Variants in MYO3A observed in about 807,000 individuals in gnomAD.
MYO3A encodes myosin IIIA.
Under a neutral mutation model 192.7 loss-of-function variants are expected in MYO3A, and 180 were observed. The ratio of observed to expected loss-of-function variants is 0.93; its 90% CI spans 0.83 to 1.06. The LOEUF is 1.06. Among genes scored for constraint, MYO3A ranks in the 50% least tolerant of loss-of-function variants. MYO3A has a pLI of 0.00. For synonymous variants in MYO3A, 628 were observed against 645.3 expected, an observed-to-expected ratio of 0.97 and a Z score of 0.41; for missense variants, 1,896 against 1,905.0, an observed-to-expected ratio of 1.00 and a Z score of 0.09.
chr10:26,114,921 AC>A (rs1251844368), intron 17 of MYO3A, among the ~76,000 whole-genome samples: 2 of 152,252 alleles, frequency 1.3e-5, no homozygotes, highest in East Asian at 3.9e-4. Flanking sequence ...AAAAATGAAC[AC>A]CCCAGAATGG....
intron 8 of MYO3A, 122 bp downstream of exon 8, chr10:26,021,770 T>A: frequency 7.6e-7 from 1 of 1,311,682 alleles, no homozygotes; most frequent in Non-Finnish European, 1.1e-6. Flanking sequence ...GAGCAGAAGA[T>A]CCTGGAATAT....
At chr10:26,133,490 T>C (rs1839662517) in intron 20 of MYO3A, among the ~76,000 whole-genome samples, 2 of 152,230 alleles carry the variant, frequency 1.3e-5, no homozygotes, top group South Asian at 4.1e-4. Context: ...GTAGCACACT[T>C]AGTCTGTTTC....
intron 19 of MYO3A, 47 bp downstream of exon 19, chr10:26,125,655 T>A: frequency 6.8e-7 from 1 of 1,464,002 alleles, no homozygotes; most frequent in Non-Finnish European, 9.6e-7. Context: ...TCAGGTGATG[T>A]AAGTCTACTT....
chr10:25,954,701 A>T (rs1328312324), intron 3 of MYO3A, among the ~76,000 whole-genome samples, 173 bp from the exon 4 acceptor site: 1 of 152,232 alleles, frequency 6.6e-6, no homozygotes, highest in African/African-American at 2.4e-5. Flanking sequence ...TGAAAATCAC[A>T]ATCTCTCCCC....
At chr10:26,037,385 G>A (rs548165008) in intron 10 of MYO3A, among the ~76,000 whole-genome samples, 8 of 152,256 alleles carry the variant, frequency 5.3e-5, no homozygotes, top group South Asian at 2.1e-4. Context: ...ACAATAGTGC[G>A]TTTAGCTATT....
intron 20 of MYO3A, among the ~76,000 whole-genome samples, chr10:26,140,538 G>A (rs1008614289): frequency 1.3e-5 from 2 of 152,060 alleles, no homozygotes; most frequent in African/African-American, 4.8e-5. Context: ...ACAAAAATTA[G>A]CTGGGCATGA....
intron 14 of MYO3A, 100 bp downstream of exon 14, chr10:26,070,501 A>G: frequency 9.5e-7 from 1 of 1,050,264 alleles, no homozygotes; most frequent in Non-Finnish European, 1.4e-6. Flanking sequence ...CTCACATTTA[A>G]TAATGTACAG....
rs748989843 is a variant in MYO3A, at chr10:26,201,289, A to G, written c.4570A>G (p.Arg1524Gly). 1.3e-6 allele frequency: 2 copies of G among 1,581,342 alleles called. No individual in the cohort carries two copies. Among genetic ancestry groups the G allele is most frequent in the Non-Finnish European group, 8.7e-7 (1 of 1,155,580 alleles). Residue 1524 changes from arginine (R) to glycine (G), a missense_variant, in exon 33 of 35, where the codon AGA becomes GGA. Transcript: ENST00000642920. ...LHKSIQEEKR[R>G]PRKDSQGKLL... ...GAAGTCAATCCAAGAAGAAAAACGA[A>G]GACCAAGGAAAGACAGGTAATTATT...
chr10:26,157,967 A>C (rs1841246383), intron 26 of MYO3A, among the ~76,000 whole-genome samples: 1 of 152,078 alleles, frequency 6.6e-6, no homozygotes, highest in Non-Finnish European at 1.5e-5. Context: ...GAATGCTGTT[A>C]AACAGCCATT....
chr10:25,969,247 C>T lies in MYO3A; in HGVS notation c.303+14239C>T, dbSNP rs147716451. 1.2e-4 allele frequency among the ~76,000 whole-genome samples: 18 copies of T among 152,186 alleles called. No individual in the cohort carries two copies. The East Asian group carries it at 3.5e-3, about 29-fold the overall frequency. On this transcript the variant is annotated intron_variant, in intron 4 of 34. Transcript: ENST00000642920. ...GCAAGACTCCATCTCTAAAAAAGGC[C>T]CCAGAATGCAGGAGTAGTGTTGCTG...
chr10:26,004,015 T>C (rs1841018095), intron 6 of MYO3A, among the ~76,000 whole-genome samples: 1 of 152,174 alleles, frequency 6.6e-6, no homozygotes, highest in African/African-American at 2.4e-5. Context: ...AATTATGGAG[T>C]GCCCTTCAAT....
chr10:26,155,739 C>T (rs889466198), intron 25 of MYO3A, among the ~76,000 whole-genome samples: 2 of 152,184 alleles, frequency 1.3e-5, no homozygotes, highest in African/African-American at 2.4e-5. Flanking sequence ...TAATACCTGA[C>T]GTTTGTTGCT....
intron 4 of MYO3A, among the ~76,000 whole-genome samples, chr10:25,966,653 A>G (rs1024902562): frequency 6.6e-6 from 1 of 152,214 alleles, no homozygotes; most frequent in African/African-American, 2.4e-5. Flanking sequence ...AGGAATCTCA[A>G]TATCTTGAAC....
chr10:26,062,373 G>T (rs749656998), intron 10 of MYO3A, among the ~76,000 whole-genome samples: 8 of 150,974 alleles, frequency 5.3e-5, no homozygotes, highest in Non-Finnish European at 1.0e-4. Context: ...ACAAAAATTA[G>T]CCATGCATGG....
At chr10:25,947,366 A>G (rs904584010) in intron 2 of MYO3A, among the ~76,000 whole-genome samples, 1 of 146,064 alleles carries the variant, frequency 6.8e-6, no homozygotes, top group Non-Finnish European at 1.5e-5. Flanking sequence ...AATGCATAAG[A>G]TGGTATTATT....
At chr10:26,075,143 A>G (rs946148538) in intron 14 of MYO3A, among the ~76,000 whole-genome samples, 8 of 151,916 alleles carry the variant, frequency 5.3e-5, no homozygotes, top group African/African-American at 1.9e-4. Context: ...ATTACTATCA[A>G]CTTTGTCATG....
At chr10:26,060,305 A>T (rs556942761) in intron 10 of MYO3A, among the ~76,000 whole-genome samples, 11 of 44,086 alleles carry the variant, frequency 2.5e-4, no homozygotes, top group African/African-American at 4.0e-4. Flanking sequence ...AAATAAATTT[A>T]AAAAATACAA....
rs556716435 is a variant in MYO3A at position 26,003,864 on chromosome 10, A to G, written c.508+6606A>G. ...CCTCATTCTTATGACAGAATATTTT[A>G]TGGTTTTAAATCTCTTATTACCCAC... On this transcript the variant is annotated intron_variant, in intron 6 of 34. Transcript: ENST00000642920. Among the ~76,000 whole-genome samples, 9 of 152,250 alleles carry G rather than the reference A, an allele frequency of 5.9e-5. No individual in the cohort carries two copies. The South Asian group carries it at 1.2e-3, about 21-fold the overall frequency.
At chr10:26,032,834 CT>C (rs1482332244) in intron 10 of MYO3A, among the ~76,000 whole-genome samples, 1 of 152,052 alleles carries the variant, frequency 6.6e-6, no homozygotes, top group African/African-American at 2.4e-5. Context: ...GTTCTATTTT[CT>C]GGGCAAGATA....
Sources: allele counts gnomAD v4.1 joint callset (sites outside exome capture counted in the v4.1 genomes callset), GRCh38; gene constraint gnomAD v4.1.1; transcripts MANE v1.5; gene names NCBI Gene and HGNC (gene_info 2026-07-23, HGNC 2026-07-21).